Variants in ANXA10 observed in about 807,000 individuals in gnomAD.
ANXA10 encodes the protein annexin 14.
ANXA10 carries 49 observed loss-of-function variants against 53.5 expected under a neutral mutation model. The observed-to-expected ratio is 0.92, with a 90% CI of 0.73 to 1.16. The LOEUF is 1.16. Ranked by LOEUF, ANXA10 falls within the 50% of genes most tolerant of loss-of-function variation. ANXA10 has a pLI of 0.00. For synonymous variants in ANXA10, 131 were observed against 128.9 expected, an observed-to-expected ratio of 1.02 and a Z score of -0.11; for missense variants, 393 against 394.4, an observed-to-expected ratio of 1.00 and a Z score of 0.03.
In ANXA10 at chr4:168,092,565, C is replaced by G. The variant is rs1730476645; in HGVS notation, c.-136C>G. ...CAGATTTGCTTTTACATTTTCTTGC[C>G]TGAGTCTGAGGTGAACAGTGAACAT... On this transcript the variant is annotated 5_prime_UTR_variant, in exon 1 of 12. Transcript: ENST00000359299. The G allele has an allele frequency of 1.2e-6, 1 of 830,164 alleles. No homozygotes were observed. Among genetic ancestry groups the G allele is most frequent in the Non-Finnish European group, 1.9e-6 (1 of 531,528 alleles). The allele number at this position is 830,164 out of a possible 1,614,324, so 51.4% of individuals were successfully genotyped here.
intron 10 of ANXA10, among the ~76,000 whole-genome samples, chr4:168,183,889 T>G (rs1426916956): frequency 1.3e-5 from 2 of 152,210 alleles, no homozygotes; most frequent in Non-Finnish European, 2.9e-5. Flanking sequence ...AGATTCTGTT[T>G]TCTGGCCACT....
chr4:168,115,092 A>C lies in ANXA10; in HGVS notation c.19-12992A>C, dbSNP rs114099821. On this transcript the variant is annotated intron_variant, in intron 1 of 11. Transcript: ENST00000359299. ...TACGGTTTTGCCATGTTGCCTGCTCAGGCTGGTCTGGAACTCCTGGGCTGA... is the reference window on the plus strand; with the variant it reads ...TACGGTTTTGCCATGTTGCCTGCTCCGGCTGGTCTGGAACTCCTGGGCTGA... Among the ~76,000 whole-genome samples, 1,116 of 152,170 alleles carry C rather than the reference A, an allele frequency of 7.3e-3. 16 individuals carry two copies. The highest frequency in any genetic ancestry group is 0.026 in the African/African-American group (1,066 of 41,510).
At chr4:168,099,392 C>A (rs1730602349) in intron 1 of ANXA10, among the ~76,000 whole-genome samples, 1 of 152,104 alleles carries the variant, frequency 6.6e-6, no homozygotes, top group Admixed American at 6.6e-5. Flanking sequence ...TTCTGTGTAC[C>A]TTTCCTCACC....
At chr4:168,094,399 A>G (rs984039684) in intron 1 of ANXA10, among the ~76,000 whole-genome samples, 10 of 152,160 alleles carry the variant, frequency 6.6e-5, no homozygotes, top group African/African-American at 1.7e-4. Context: ...TACATAATCA[A>G]TATCAGTATA....
At chr4:168,095,956 G>A (rs531087598) in intron 1 of ANXA10, among the ~76,000 whole-genome samples, 7 of 152,246 alleles carry the variant, frequency 4.6e-5, no homozygotes, top group Admixed American at 4.6e-4. Flanking sequence ...TCAAGAGCAC[G>A]AAAGTCAGGC....
chr4:168,173,954 CTCAG>C (rs1471761810), intron 6 of ANXA10, among the ~76,000 whole-genome samples: 1 of 152,108 alleles, frequency 6.6e-6, no homozygotes, highest in Non-Finnish European at 1.5e-5. Context: ...AAACGCTGGA[CTCAG>C]TCAGAGCAGG....
At chr4:168,136,275 A>G (rs1731236248) in intron 2 of ANXA10, among the ~76,000 whole-genome samples, 1 of 152,126 alleles carries the variant, frequency 6.6e-6, no homozygotes, top group East Asian at 1.9e-4. Flanking sequence ...CACATTGCAA[A>G]ATATAATTAC....
intron 1 of ANXA10, among the ~76,000 whole-genome samples, chr4:168,097,568 C>G (rs1730571845): frequency 6.6e-6 from 1 of 152,020 alleles, no homozygotes. Context: ...AGAAACTCAT[C>G]CTCTTATTAG....
intron 2 of ANXA10, among the ~76,000 whole-genome samples, chr4:168,138,062 A>C (rs576101724): frequency 6.6e-6 from 1 of 151,696 alleles, no homozygotes; most frequent in African/African-American, 2.4e-5. Flanking sequence ...CCCAGGTTCA[A>C]GCAATTCTCC....
intron 1 of ANXA10, among the ~76,000 whole-genome samples, chr4:168,101,146 C>T (rs1036014919): frequency 6.6e-6 from 1 of 151,982 alleles, no homozygotes; most frequent in Non-Finnish European, 1.5e-5. Flanking sequence ...AGAGTGAGTT[C>T]TTGCAAGATC....
intron 8 of ANXA10, among the ~76,000 whole-genome samples, chr4:168,178,918 A>C (rs546985908): frequency 1.5e-3 from 230 of 152,296 alleles, no homozygotes; most frequent in Middle Eastern, 3.4e-3. Context: ...TCCATAAATA[A>C]TGGCTTGTTG....
At position 168,179,928 on chromosome 4, in the gene ANXA10, T is replaced by C. The variant is rs191834095; in HGVS notation, c.724+616T>C. 2.6e-3 allele frequency among the ~76,000 whole-genome samples: 391 copies of C among 152,338 alleles called. 1 individual carries two copies. The highest frequency in any genetic ancestry group is 4.5e-3 in the Non-Finnish European group (305 of 68,040). On this transcript the variant is annotated intron_variant, in intron 9 of 11. Transcript: ENST00000359299. ...CTGTGCAATAGAACTACCTTTGTCT[T>C]GTACTGTGCTGGTGAATTGACAGCA...
intron 3 of ANXA10, among the ~76,000 whole-genome samples, chr4:168,142,423 T>C (rs981077368): frequency 6.6e-6 from 1 of 152,176 alleles, no homozygotes; most frequent in Non-Finnish European, 1.5e-5. Flanking sequence ...TGTTGTTTTA[T>C]CTATCTTCAA....
chr4:168,114,235 A>G (rs1319285886), intron 1 of ANXA10, among the ~76,000 whole-genome samples: 1 of 151,480 alleles, frequency 6.6e-6, no homozygotes, highest in Non-Finnish European at 1.5e-5. Flanking sequence ...TTTTTCTTTC[A>G]TTGCTCTGCT....
intron 2 of ANXA10, among the ~76,000 whole-genome samples, chr4:168,133,407 GA>G (rs1000949457): frequency 2.6e-5 from 4 of 152,076 alleles, no homozygotes; most frequent in African/African-American, 4.8e-5. Flanking sequence ...TGGAAAAGAT[GA>G]AAAAATGGCT....
intron 1 of ANXA10, among the ~76,000 whole-genome samples, chr4:168,111,300 C>T (rs949473796): frequency 6.6e-6 from 1 of 152,078 alleles, no homozygotes; most frequent in Non-Finnish European, 1.5e-5. Flanking sequence ...GTTAAATTTG[C>T]TTTATGTTTA....
At chr4:168,135,222 T>C (rs1054205185) in intron 2 of ANXA10, among the ~76,000 whole-genome samples, 8 of 152,198 alleles carry the variant, frequency 5.3e-5, no homozygotes, top group African/African-American at 1.4e-4. Context: ...TTGGTCAATG[T>C]GATTAGGCTA....
chr4:168,110,466 T>C (rs1730790800), intron 1 of ANXA10, among the ~76,000 whole-genome samples: 1 of 151,160 alleles, frequency 6.6e-6, no homozygotes, highest in Admixed American at 6.6e-5. Flanking sequence ...TTTTTGAGAT[T>C]GGTACATCTT....
rs1732396290 is a variant in ANXA10, at chr4:168,187,603, T to C, written c.*169T>C. The C allele has an allele frequency of 2.4e-6, 1 of 424,732 alleles. No homozygotes were observed. Among genetic ancestry groups the C allele is most frequent in the South Asian group, 1.1e-4 (1 of 9,414 alleles). 26.3% of individuals were successfully genotyped at this position (424,732 alleles called of 1,614,324 possible). A position where few individuals can be genotyped will look rare whatever the true frequency, so the allele number is the denominator to read the frequency against. ...CCAAAGAAAACTATGAATGAAAGTA[T>C]ATGATACTGAATTTGCCTACTATCC... On this transcript the variant is annotated 3_prime_UTR_variant, in exon 12 of 12. Transcript: ENST00000359299.
Sources: gnomAD v4.1 joint callset for allele counts (sites outside exome capture counted in the v4.1 genomes callset) on GRCh38, gnomAD v4.1.1 for gene constraint, MANE v1.5 for transcripts, NCBI Gene and HGNC (gene_info 2026-07-23, HGNC 2026-07-21) for gene names.